Variants in AGBL1 observed in about 807,000 individuals in gnomAD.
AGBL1 encodes the protein cytosolic carboxypeptidase 4.
Under a neutral mutation model 118.9 loss-of-function variants are expected in AGBL1, and 130 were observed. The ratio of observed to expected loss-of-function variants is 1.09; its 90% CI spans 0.95 to 1.26. AGBL1 has a LOEUF of 1.26. Ranked by LOEUF, AGBL1 falls within the 50% of genes most tolerant of loss-of-function variation. AGBL1 has a pLI of 0.00. For missense variants in AGBL1, 1,584 were observed against 1,298.1 expected (o/e 1.22, Z -3.38); for synonymous variants, 555 against 478.9 (o/e 1.16, Z -2.08).
At chr15:86,801,620 T>C (rs913916518) in intron 22 of AGBL1, among the ~76,000 whole-genome samples, 4 of 152,138 alleles carry the variant, frequency 2.6e-5, no homozygotes, top group Non-Finnish European at 5.9e-5. Context: ...TGTGTATCTC[T>C]ATAACTTATC....
At chr15:86,126,669 G>A (rs1898453075) in intron 1 of AGBL1, among the ~76,000 whole-genome samples, 1 of 152,196 alleles carries the variant, frequency 6.6e-6, no homozygotes, top group Non-Finnish European at 1.5e-5. Flanking sequence ...GAAGGGGTTA[G>A]TGGGATTTAT....
chr15:87,025,002 G>T (rs1187975796), intron 24 of AGBL1, among the ~76,000 whole-genome samples: 1 of 151,986 alleles, frequency 6.6e-6, no homozygotes, highest in Non-Finnish European at 1.5e-5. Flanking sequence ...AGCCATTTAT[G>T]ACAAACCCAC....
At chr15:86,332,279 T>G (rs1473382304) in intron 17 of AGBL1, among the ~76,000 whole-genome samples, 1 of 152,178 alleles carries the variant, frequency 6.6e-6, no homozygotes, top group Non-Finnish European at 1.5e-5. Flanking sequence ...ATGAAAAGAC[T>G]TAGATGTCTA....
chr15:86,227,875 G>A (rs977732300), intron 6 of AGBL1, among the ~76,000 whole-genome samples: 16 of 152,198 alleles, frequency 1.1e-4, no homozygotes, highest in African/African-American at 3.4e-4. Context: ...AGAATGAGGA[G>A]GGCAAATAGA....
chr15:86,964,008 A>T (rs1055774672), intron 23 of AGBL1, among the ~76,000 whole-genome samples: 94 of 139,508 alleles, frequency 6.7e-4, no homozygotes, highest in Middle Eastern at 7.6e-3. Context: ...GAGCCAGGAA[A>T]CTCTCTCTCT....
At chr15:86,356,335 C>CCTGT (rs2080718124) in intron 17 of AGBL1, among the ~76,000 whole-genome samples, 1 of 150,042 alleles carries the variant, frequency 6.7e-6, no homozygotes, top group African/African-American at 2.4e-5. Flanking sequence ...CGAAGATAGA[C>CCTGT]GTGTGTGTGT....
At chr15:86,541,483 T>C (rs938495107) in intron 19 of AGBL1, among the ~76,000 whole-genome samples, 2 of 151,576 alleles carry the variant, frequency 1.3e-5, no homozygotes, top group South Asian at 2.1e-4. Context: ...TCCTAGCTAC[T>C]TTGGAGGCTG....
At position 86,085,032 on chromosome 15, in the gene AGBL1, G is replaced by A. The variant is rs998854150; in HGVS notation, c.51+5009G>A. Among the ~76,000 whole-genome samples, 4 of 152,328 alleles carry A rather than the reference G, an allele frequency of 2.6e-5. No individual in the cohort carries two copies. In the South Asian group the frequency reaches 8.3e-4, roughly 32 times the overall value. ...ATTGGTACATGCCCAATAAGTAGGA[G>A]CACTTATTGTAATGAAATACAGTCA... On this transcript the variant is annotated intron_variant, in intron 1 of 22. Transcript: ENST00000614907.
intron 21 of AGBL1, among the ~76,000 whole-genome samples, chr15:86,599,578 A>G (rs957992679): frequency 4.6e-5 from 7 of 152,168 alleles, no homozygotes; most frequent in Admixed American, 2.6e-4. Flanking sequence ...AAGTGAATGC[A>G]TATATAATGG....
chr15:86,615,362 T>C lies in AGBL1; in HGVS notation c.2995-58911T>C, dbSNP rs1232950441. Reference sequence around the variant, plus strand: ...GATATGGGAACACATCTGAGAGCTCTTCAGGAGTAGGTTTGATGCAGGTGG... The same window carrying C: ...GATATGGGAACACATCTGAGAGCTCCTCAGGAGTAGGTTTGATGCAGGTGG... On this transcript the variant is annotated intron_variant, in intron 21 of 22. Coordinates refer to ENST00000614907, the MANE Select transcript of AGBL1 (RefSeq NM_001386094.1). This position sits in a 1 kb window ranked among gnomAD's most constrained non-coding sequence, Gnocchi z 4.3. Among the ~76,000 whole-genome samples the C allele has an allele frequency of 6.6e-6, 1 of 152,154 alleles. No homozygotes were observed. Among genetic ancestry groups the C allele is most frequent in the East Asian group, 1.9e-4 (1 of 5,190 alleles).
intron 17 of AGBL1, among the ~76,000 whole-genome samples, chr15:86,327,228 G>A (rs1165035408): frequency 6.6e-6 from 1 of 152,184 alleles, no homozygotes; most frequent in Non-Finnish European, 1.5e-5. Flanking sequence ...GGGTGTGCAT[G>A]ACAAGGGAGT....
At chr15:86,885,660 A>G (rs1444175882) in intron 22 of AGBL1, among the ~76,000 whole-genome samples, 1 of 152,204 alleles carries the variant, frequency 6.6e-6, no homozygotes, top group Non-Finnish European at 1.5e-5. Context: ...GAAAAAAGCA[A>G]TAAGATATAG....
intron 18 of AGBL1, among the ~76,000 whole-genome samples, chr15:86,431,029 A>C (rs912772163): frequency 1.3e-5 from 2 of 152,336 alleles, no homozygotes; most frequent in Admixed American, 1.3e-4. Context: ...ACAGTTACCA[A>C]GTGGCGGAGC....
chr15:86,759,258 G>A (rs1005270595), intron 22 of AGBL1, among the ~76,000 whole-genome samples: 1 of 152,082 alleles, frequency 6.6e-6, no homozygotes, highest in African/African-American at 2.4e-5. Flanking sequence ...AGCATTTAGG[G>A]AATTAGAGTA....
intron 15 of AGBL1, among the ~76,000 whole-genome samples, chr15:86,278,416 C>G (rs916577289): frequency 6.6e-6 from 1 of 152,130 alleles, no homozygotes; most frequent in African/African-American, 2.4e-5. Flanking sequence ...GGGCTACCAG[C>G]TTCCCTTAGT....
At chr15:86,350,089 T>C (rs2080601635) in intron 17 of AGBL1, among the ~76,000 whole-genome samples, 1 of 152,266 alleles carries the variant, frequency 6.6e-6, no homozygotes, top group South Asian at 2.1e-4. Context: ...CATAAATGTC[T>C]GTATGAGGCA....
intron 15 of AGBL1, among the ~76,000 whole-genome samples, 159 bp from the exon 16 acceptor site, chr15:86,279,480 C>T (rs139933015): frequency 3.2e-4 from 49 of 152,262 alleles, no homozygotes; most frequent in Non-Finnish European, 5.6e-4. Flanking sequence ...TGTACATTTC[C>T]CTTTTCTCAG....
chr15:86,566,128 T>C (rs4887485), intron 21 of AGBL1, among the ~76,000 whole-genome samples: 85,429 of 149,354 alleles, frequency 0.57, 24,612 homozygotes, highest in East Asian at 0.91. Flanking sequence ...TGGGCTGCAC[T>C]CACTGTCCTG....
At chr15:86,811,935 G>T (rs891123644) in intron 22 of AGBL1, among the ~76,000 whole-genome samples, 1 of 152,086 alleles carries the variant, frequency 6.6e-6, no homozygotes, top group African/African-American at 2.4e-5. Flanking sequence ...GCATTCTAAG[G>T]CTCAGTTTCT....
Sources: allele counts gnomAD v4.1 joint callset (sites outside exome capture counted in the v4.1 genomes callset), GRCh38; gene constraint gnomAD v4.1.1; non-coding constraint Gnocchi (gnomAD v3.1); transcripts MANE v1.5; gene names NCBI Gene and HGNC (gene_info 2026-07-23, HGNC 2026-07-21).